Variants in DDX60L observed in about 807,000 individuals in gnomAD.
The protein encoded by DDX60L is probable ATP-dependent RNA helicase DDX60-like.
A neutral mutation model predicts 211.6 loss-of-function variants in DDX60L; 191 were observed. The ratio of observed to expected loss-of-function variants is 0.90; its 90% CI spans 0.80 to 1.02. The LOEUF (loss-of-function observed/expected upper bound fraction) is 1.02. Ranked by LOEUF, DDX60L falls within the 50% of genes least tolerant of loss-of-function variation. The pLI is 0.00. For missense variants in DDX60L, 2,007 were observed against 1,984.1 expected, an observed-to-expected ratio of 1.01 and a Z score of -0.22; for synonymous variants, 706 against 694.1, an observed-to-expected ratio of 1.02 and a Z score of -0.27.
chr4:168,455,525 C>CT (rs1275677194), intron 7 of DDX60L, among the ~76,000 whole-genome samples: 2 of 152,096 alleles, frequency 1.3e-5, no homozygotes, highest in Non-Finnish European at 2.9e-5. Context: ...TCCAGGCTGC[C>CT]TTTTACCATG....
chr4:168,449,054 C>T (rs1755262418), intron 8 of DDX60L, among the ~76,000 whole-genome samples: 1 of 152,090 alleles, frequency 6.6e-6, no homozygotes, highest in Non-Finnish European at 1.5e-5. Context: ...CTATAGATGA[C>T]AATACTAACA....
chr4:168,457,277 C>T (rs1411957814), intron 6 of DDX60L, among the ~76,000 whole-genome samples: 2 of 151,096 alleles, frequency 1.3e-5, no homozygotes, highest in Non-Finnish European at 3.0e-5. Context: ...CACACACACA[C>T]ACACACACAC....
intron 15 of DDX60L, among the ~76,000 whole-genome samples, chr4:168,423,215 T>C (rs898418816): frequency 6.6e-6 from 1 of 152,116 alleles, no homozygotes; most frequent in Non-Finnish European, 1.5e-5. Flanking sequence ...ATATTAACGT[T>C]AAAAAAAGTT....
At chr4:168,445,601 C>T (rs1028028977) in intron 9 of DDX60L, among the ~76,000 whole-genome samples, 1 of 152,150 alleles carries the variant, frequency 6.6e-6, no homozygotes, top group East Asian at 1.9e-4. Context: ...GACCAATATC[C>T]TTGATGAACA....
intron 7 of DDX60L, among the ~76,000 whole-genome samples, chr4:168,455,088 C>T (rs958608231): frequency 1.7e-4 from 26 of 151,876 alleles, no homozygotes; most frequent in African/African-American, 6.3e-4. Flanking sequence ...TTTATGAAAA[C>T]ATGCTGATAG....
intron 19 of DDX60L, among the ~76,000 whole-genome samples, chr4:168,418,720 T>C (rs1749980079): frequency 6.6e-6 from 1 of 151,894 alleles, no homozygotes; most frequent in African/African-American, 2.4e-5. Flanking sequence ...ATTTTGATAA[T>C]AACATAGCTA....
chr4:168,420,654 T>C (rs923148295), intron 17 of DDX60L, among the ~76,000 whole-genome samples: 2 of 114,756 alleles, frequency 1.7e-5, no homozygotes, highest in African/African-American at 7.4e-5. Context: ...GATAGATAGA[T>C]AGATAGATAG....
chr4:168,367,417 A>T (rs1274415709), intron 36 of DDX60L, among the ~76,000 whole-genome samples: 1 of 152,112 alleles, frequency 6.6e-6, no homozygotes, highest in Non-Finnish European at 1.5e-5. Context: ...CGTGCCTTTC[A>T]CCTTCTGCCA....
chr4:168,367,032 CATAAT>C (rs756085371), intron 36 of DDX60L, among the ~76,000 whole-genome samples: 2 of 151,636 alleles, frequency 1.3e-5, no homozygotes, highest in Admixed American at 6.6e-5. Context: ...AATATAATAG[CATAAT>C]ATAATATGCT....
chr4:168,391,908 T>C (rs967149875), intron 28 of DDX60L, among the ~76,000 whole-genome samples: 2 of 152,166 alleles, frequency 1.3e-5, no homozygotes, highest in African/African-American at 4.8e-5. Flanking sequence ...CTGATCTCTA[T>C]ATAAATGTCC....
At chr4:168,446,967 A>G (rs1283674335) in intron 9 of DDX60L, among the ~76,000 whole-genome samples, 4 of 122,222 alleles carry the variant, frequency 3.3e-5, no homozygotes, top group East Asian at 2.3e-4. Flanking sequence ...GGACATAGGC[A>G]TGGGCAAGGA....
intron 7 of DDX60L, 70 bp from the exon 8 acceptor site, chr4:168,453,352 C>A (rs1756070743): frequency 7.5e-6 from 11 of 1,462,320 alleles, no homozygotes; most frequent in Non-Finnish European, 9.2e-6. Flanking sequence ...ATAGGCACTC[C>A]ACGAAGATCA....
chr4:168,375,956 A>T (rs931646267), intron 33 of DDX60L, among the ~76,000 whole-genome samples: 1 of 152,220 alleles, frequency 6.6e-6, no homozygotes, highest in Non-Finnish European at 1.5e-5. Context: ...AATCCTGAGA[A>T]CAACCCTATG....
intron 4 of DDX60L, chr4:168,470,966 T>A (rs1205933394): frequency 6.2e-6 from 1 of 162,332 alleles, no homozygotes; most frequent in Admixed American, 6.4e-5. Context: ...AGACGTATTG[T>A]GGAACAAGAG....
At position 168,461,852 on chromosome 4, in the gene DDX60L, A is replaced by G. The variant is rs375873635; in HGVS notation, c.453T>C (p.Ser151=). Residue 151 remains serine (S), a synonymous_variant, in exon 5 of 38, where the codon AGT becomes AGC. Transcript: ENST00000682922. The part of the protein sequence containing the change: ...YFLIVSEEGL[S]DLQTYLFNFL... ...AGTTAAAAAGGTACGTTTGTAAATC[A>G]CTCAGGCCTTCCTCTGAAACTATCA... 4 of 1,610,012 alleles carry G rather than the reference A, an allele frequency of 2.5e-6. No homozygotes were observed. The highest frequency in any genetic ancestry group is 2.7e-5 in the African/African-American group (2 of 74,898).
At chr4:168,374,428 A>G (rs1741580140) in intron 34 of DDX60L, among the ~76,000 whole-genome samples, 1 of 152,192 alleles carries the variant, frequency 6.6e-6, no homozygotes, top group Non-Finnish European at 1.5e-5. Context: ...CTCTTAGTCT[A>G]GCTTCTTTCC....
At chr4:168,408,804 C>T (rs1005474890) in intron 22 of DDX60L, among the ~76,000 whole-genome samples, 1 of 152,122 alleles carries the variant, frequency 6.6e-6, no homozygotes, top group African/African-American at 2.4e-5. Flanking sequence ...CTTCCCTTAG[C>T]CCAGGAACAA....
chr4:168,477,212 G>T (rs554565385), intron 1 of DDX60L, among the ~76,000 whole-genome samples: 4 of 152,032 alleles, frequency 2.6e-5, no homozygotes, highest in South Asian at 2.1e-4. Context: ...TCAGGAGATC[G>T]AGACCATCCT....
chr4:168,398,194 A>C (rs9997217), intron 26 of DDX60L, among the ~76,000 whole-genome samples: 139,585 of 152,196 alleles, frequency 0.92, 65,141 homozygotes, highest in East Asian at 1. Context: ...TCTCTGCTCC[A>C]AGTCCCTACT....
Sources: gnomAD v4.1 joint callset for allele counts (sites outside exome capture counted in the v4.1 genomes callset) on GRCh38, gnomAD v4.1.1 for gene constraint, MANE v1.5 for transcripts, NCBI Gene and HGNC (gene_info 2026-07-23, HGNC 2026-07-21) for gene names.